ADCY2: variants seen among roughly 807,000 people sequenced by gnomAD.
ADCY2 encodes adenylate cyclase 2, also known as adenylate cyclase type 2.
A neutral mutation model predicts 125.2 loss-of-function variants in ADCY2; 31 were observed. That is an observed-to-expected ratio of 0.25 (90% confidence interval 0.19 to 0.33). The LOEUF (loss-of-function observed/expected upper bound fraction) is 0.33, where lower values mean the gene tolerates loss of function less well. Ranked by LOEUF, ADCY2 falls within the 10% of genes least tolerant of loss-of-function variation. The pLI is 1.00. For synonymous variants in ADCY2, 512 were observed against 548.4 expected, an observed-to-expected ratio of 0.93 and a Z score of 0.93; for missense variants, 904 against 1,418.2, an observed-to-expected ratio of 0.64 and a Z score of 5.82.
chr5:7,494,706 G>A (rs779508402), intron 2 of ADCY2, among the ~76,000 whole-genome samples: 2 of 152,156 alleles, frequency 1.3e-5, no homozygotes, highest in Non-Finnish European at 2.9e-5. Flanking sequence ...TAATGCCACA[G>A]TAAGGACTTG....
chr5:7,424,150 T>C (rs1413714937), intron 2 of ADCY2, among the ~76,000 whole-genome samples: 2 of 152,214 alleles, frequency 1.3e-5, no homozygotes, highest in Non-Finnish European at 2.9e-5. Flanking sequence ...ACCACACACG[T>C]AGTGATCACA....
chr5:7,578,300 G>A (rs566422286), intron 3 of ADCY2, among the ~76,000 whole-genome samples: 16 of 152,302 alleles, frequency 1.1e-4, no homozygotes, highest in African/African-American at 3.8e-4. Context: ...TTGCATTGAT[G>A]TGGTGCCAGT....
At chr5:7,813,748 C>T (rs1020102224) in intron 22 of ADCY2, among the ~76,000 whole-genome samples, 41 of 152,314 alleles carry the variant, frequency 2.7e-4, no homozygotes, top group African/African-American at 9.4e-4. Flanking sequence ...TTATTACTGA[C>T]GTCACTTAAA....
chr5:7,657,954 A>T (rs1030594367), intron 4 of ADCY2: 2 of 152,280 alleles, frequency 1.3e-5, no homozygotes, highest in African/African-American at 4.8e-5. Context: ...GATGGACGGG[A>T]GGGACCATTC....
At chr5:7,766,611 C>A (rs1434347345) in intron 16 of ADCY2, 76 bp from the exon 17 acceptor site, 2 of 1,492,152 alleles carry the variant, frequency 1.3e-6, no homozygotes, top group South Asian at 1.2e-5. Context: ...ACACAGAATT[C>A]ATAAAGTTAG....
At chr5:7,505,999 T>C (rs183706932) in intron 2 of ADCY2, among the ~76,000 whole-genome samples, 381 of 152,198 alleles carry the variant, frequency 2.5e-3, no homozygotes, top group African/African-American at 7.3e-3. Flanking sequence ...CTTTTTTTTT[T>C]CCCCACTTCT....
chr5:7,826,469 C>A, intron 24 of ADCY2: 1 of 590,070 alleles, frequency 1.7e-6, no homozygotes, highest in Admixed American at 2.3e-5. Context: ...ATGGTAGCAC[C>A]GTAGTTTACT....
At chr5:7,750,852 G>A (rs1319061174) in intron 15 of ADCY2, among the ~76,000 whole-genome samples, 3 of 151,902 alleles carry the variant, frequency 2.0e-5, no homozygotes, top group Non-Finnish European at 4.4e-5. Context: ...AGACTCAGCT[G>A]TGTATTCTCT....
Position 7,771,917 on chromosome 5 carries a change from C to T in ADCY2, c.2215-1015C>T, listed in dbSNP as rs993007921. On this transcript the variant is annotated intron_variant, in intron 17 of 24. Coordinates refer to ENST00000338316, the MANE Select transcript of ADCY2 (RefSeq NM_020546.3). The stretch of plus-strand genomic sequence containing the variant: ...AATTTTTTTGAGTGTTGTCTCTGTT[C>T]TAGGAATGCTGAGATAGAAACACAA... 7.2e-5 allele frequency among the ~76,000 whole-genome samples: 11 copies of T among 152,240 alleles called. No homozygotes were observed. In the South Asian group the frequency reaches 1.7e-3, roughly 23 times the overall value.
At chr5:7,536,496 C>T (rs567914802) in intron 3 of ADCY2, among the ~76,000 whole-genome samples, 1 of 152,330 alleles carries the variant, frequency 6.6e-6, no homozygotes, top group African/African-American at 2.4e-5. Context: ...AGTTGATTCT[C>T]ACCTTGATTG....
At chr5:7,407,776 G>A (rs1162684902) in intron 1 of ADCY2, among the ~76,000 whole-genome samples, 1 of 151,850 alleles carries the variant, frequency 6.6e-6, no homozygotes, top group Non-Finnish European at 1.5e-5. Context: ...CCCCGTGAGT[G>A]TCCATCGTCA....
At chr5:7,507,381 C>T (rs1430691244) in intron 2 of ADCY2, among the ~76,000 whole-genome samples, 4 of 123,956 alleles carry the variant, frequency 3.2e-5, no homozygotes, top group Non-Finnish European at 6.6e-5. Context: ...GCGGAGCTTG[C>T]AGTGAGCCGA....
chr5:7,824,263 C>T (rs538147132), intron 24 of ADCY2, among the ~76,000 whole-genome samples: 57 of 152,198 alleles, frequency 3.7e-4, no homozygotes, highest in Non-Finnish European at 6.9e-4. Context: ...AGCAAGCCCA[C>T]TCAGCAACCC....
intron 3 of ADCY2, among the ~76,000 whole-genome samples, chr5:7,529,350 T>C: frequency 6.6e-6 from 1 of 152,286 alleles, no homozygotes; most frequent in South Asian, 2.1e-4. Flanking sequence ...TTATTATGTT[T>C]TCAGGGTGCA....
intron 2 of ADCY2, among the ~76,000 whole-genome samples, chr5:7,484,714 G>T (rs181029318): frequency 2.0e-5 from 3 of 152,242 alleles, no homozygotes; most frequent in Admixed American, 1.3e-4. Context: ...TCTTGGGCCA[G>T]CTTCTCTTGG....
intron 4 of ADCY2, among the ~76,000 whole-genome samples, chr5:7,634,553 A>C (rs1489198396): frequency 6.6e-6 from 1 of 152,194 alleles, no homozygotes; most frequent in Non-Finnish European, 1.5e-5. Flanking sequence ...CTCAGAATGC[A>C]ATGCAAGAGG....
At chr5:7,576,394 T>C (rs1041270102) in intron 3 of ADCY2, among the ~76,000 whole-genome samples, 2 of 152,224 alleles carry the variant, frequency 1.3e-5, no homozygotes, top group African/African-American at 4.8e-5. Flanking sequence ...TTCCCATTCC[T>C]CTCTGTTGCA....
At chr5:7,587,268 C>T (rs1012924918) in intron 3 of ADCY2, among the ~76,000 whole-genome samples, 2 of 152,146 alleles carry the variant, frequency 1.3e-5, no homozygotes, top group Non-Finnish European at 2.9e-5. Flanking sequence ...CCCGAGGTGG[C>T]GTCCCTCCTC....
At chr5:7,784,316 G>C in intron 18 of ADCY2, 49 bp from the exon 19 acceptor site, 1 of 1,316,600 alleles carries the variant, frequency 7.6e-7, no homozygotes, top group Admixed American at 1.7e-5. Context: ...TCCTGTATGC[G>C]TGTTGTTTTG....
Sources: allele counts gnomAD v4.1 joint callset (sites outside exome capture counted in the v4.1 genomes callset), GRCh38; gene constraint gnomAD v4.1.1; transcripts MANE v1.5; gene names NCBI Gene and HGNC (gene_info 2026-07-23, HGNC 2026-07-21).